DLGAP1: variants seen among roughly 807,000 people sequenced by gnomAD.
The protein encoded by DLGAP1 is disks large-associated protein 1.
In DLGAP1, 11 loss-of-function variants were observed where a neutral mutation model predicts 90.8. That is an observed-to-expected ratio of 0.12 (90% CI 0.08 to 0.20). The LOEUF (loss-of-function observed/expected upper bound fraction) is 0.20, where lower values mean the gene tolerates loss of function less well. Among genes scored for constraint, DLGAP1 ranks in the 10% least tolerant of loss-of-function variants. The pLI, the probability that DLGAP1 is intolerant of heterozygous loss-of-function variation, is 1.00. For synonymous variants in DLGAP1, 558 were observed against 540.7 expected, an observed-to-expected ratio of 1.03 and a Z score of -0.44; for missense variants, 1,050 against 1,333.8, an observed-to-expected ratio of 0.79 and a Z score of 3.31.
At chr18:3,863,544 G>C (rs992374260) in intron 4 of DLGAP1, among the ~76,000 whole-genome samples, 1 of 152,194 alleles carries the variant, frequency 6.6e-6, no homozygotes, top group Non-Finnish European at 1.5e-5. Context: ...GAAGCATTTA[G>C]GTCTCTGAGG....
At chr18:4,445,566 C>T (rs893658164) in intron 1 of DLGAP1, among the ~76,000 whole-genome samples, 2 of 150,236 alleles carry the variant, frequency 1.3e-5, no homozygotes, top group African/African-American at 2.5e-5. Context: ...TTTGTTCTTG[C>T]GATAGTTTAC....
intron 4 of DLGAP1, among the ~76,000 whole-genome samples, chr18:3,820,292 C>T (rs112035649): frequency 0.014 from 2,082 of 152,258 alleles, 43 homozygotes; most frequent in African/African-American, 0.046. Context: ...AAGGGCAGGC[C>T]TGTGCGATTC....
intron 4 of DLGAP1, among the ~76,000 whole-genome samples, chr18:3,838,350 A>C (rs78310694): frequency 6.6e-6 from 1 of 152,350 alleles, no homozygotes; most frequent in East Asian, 1.9e-4. Flanking sequence ...TTTATGTGTA[A>C]ATATGACTAG....
At chr18:3,652,921 C>G (rs1218281000) in intron 7 of DLGAP1, among the ~76,000 whole-genome samples, 3 of 152,198 alleles carry the variant, frequency 2.0e-5, no homozygotes. Context: ...TGCTGGAACA[C>G]TCCCACTCCC....
intron 4 of DLGAP1, among the ~76,000 whole-genome samples, chr18:3,817,798 A>G (rs917011445): frequency 6.6e-6 from 1 of 152,214 alleles, no homozygotes; most frequent in Non-Finnish European, 1.5e-5. Context: ...TGAGCTGGGC[A>G]GAGGTTGCTG....
intron 2 of DLGAP1, among the ~76,000 whole-genome samples, chr18:4,128,664 G>C (rs1303235048): frequency 1.3e-5 from 2 of 152,086 alleles, no homozygotes; most frequent in Non-Finnish European, 2.9e-5. Flanking sequence ...AGTAATACTG[G>C]CCTGAAGAAG....
chr18:4,291,700 A>G (rs2079854124), intron 1 of DLGAP1, among the ~76,000 whole-genome samples: 1 of 152,160 alleles, frequency 6.6e-6, no homozygotes, highest in Admixed American at 6.6e-5. Flanking sequence ...ATGTCTCACT[A>G]TTAATTTATA....
chr18:3,609,879 G>A (rs1051152361), intron 7 of DLGAP1, among the ~76,000 whole-genome samples: 14 of 151,022 alleles, frequency 9.3e-5, no homozygotes, highest in Non-Finnish European at 1.8e-4. Flanking sequence ...CCAACACGGT[G>A]AAACCCTGTC....
chr18:3,661,571 C>CT (rs10549959), intron 7 of DLGAP1, among the ~76,000 whole-genome samples: 2,996 of 124,838 alleles, frequency 0.024, 74 homozygotes, highest in African/African-American at 0.049. Context: ...GCTGTAAGGT[C>CT]TTTTTTTTTT....
intron 7 of DLGAP1, among the ~76,000 whole-genome samples, chr18:3,610,156 A>G (rs1488903139): frequency 6.6e-6 from 1 of 152,142 alleles, no homozygotes; most frequent in African/African-American, 2.4e-5. Flanking sequence ...TAAAAAAACT[A>G]AAACTATTTT....
chr18:4,077,044 C>A (rs2075534718), intron 2 of DLGAP1, among the ~76,000 whole-genome samples: 1 of 152,092 alleles, frequency 6.6e-6, no homozygotes, highest in Non-Finnish European at 1.5e-5. Flanking sequence ...GAGAAGGGTT[C>A]CAGTGTGCAT....
At chr18:4,132,310 A>G (rs1416878570) in intron 2 of DLGAP1, among the ~76,000 whole-genome samples, 1 of 152,166 alleles carries the variant, frequency 6.6e-6, no homozygotes, top group Non-Finnish European at 1.5e-5. Context: ...CACTAAGTAC[A>G]CATTCATTGA....
chr18:4,233,924 C>A (rs1266101534), intron 1 of DLGAP1, among the ~76,000 whole-genome samples: 2 of 151,832 alleles, frequency 1.3e-5, no homozygotes, highest in Non-Finnish European at 2.9e-5. Context: ...TTCTATTTTC[C>A]TCCTGTCATG....
intron 1 of DLGAP1, among the ~76,000 whole-genome samples, chr18:4,171,746 C>T (rs950014947): frequency 1.5e-4 from 23 of 151,974 alleles, no homozygotes. Context: ...TCTCTAATAT[C>T]GAAGAGCACA....
chr18:4,068,149 C>G (rs1476742557), intron 2 of DLGAP1, among the ~76,000 whole-genome samples: 1 of 151,914 alleles, frequency 6.6e-6, no homozygotes, highest in Non-Finnish European at 1.5e-5. Context: ...ATATGGCATA[C>G]TATATACACA....
At chr18:4,019,215 C>G (rs370512550) in intron 2 of DLGAP1, among the ~76,000 whole-genome samples, 1 of 151,974 alleles carries the variant, frequency 6.6e-6, no homozygotes, top group Non-Finnish European at 1.5e-5. Flanking sequence ...GACATTTTCC[C>G]GACATTATGC....
At chr18:3,628,532 C>T (rs1309314176) in intron 7 of DLGAP1, among the ~76,000 whole-genome samples, 5 of 152,118 alleles carry the variant, frequency 3.3e-5, no homozygotes, top group Admixed American at 6.6e-5. Flanking sequence ...GAAACCACCA[C>T]GTAGGCCAAG....
intron 5 of DLGAP1, among the ~76,000 whole-genome samples, chr18:3,789,906 C>T (rs1390026470): frequency 4.6e-5 from 7 of 152,128 alleles, no homozygotes; most frequent in Admixed American, 3.9e-4. Context: ...TTTTAATGGT[C>T]AGAAGCTATG....
At chr18:3,633,546 T>A (rs988710315) in intron 7 of DLGAP1, among the ~76,000 whole-genome samples, 2 of 152,172 alleles carry the variant, frequency 1.3e-5, no homozygotes, top group African/African-American at 4.8e-5. Context: ...TGTATATGTA[T>A]GTACAGTATA....
Sources: gnomAD v4.1 joint callset for allele counts (sites outside exome capture counted in the v4.1 genomes callset) on GRCh38, gnomAD v4.1.1 for gene constraint, MANE v1.5 for transcripts, NCBI Gene and HGNC (gene_info 2026-07-23, HGNC 2026-07-21) for gene names.